The following ATP2B1 variants were observed in gnomAD, a reference collection of about 807,000 sequenced individuals.
The protein encoded by ATP2B1 is ATPase plasma membrane Ca2+ transporting 1, also known as plasma membrane calcium-transporting ATPase 1.
ATP2B1 carries 14 observed loss-of-function variants against 124.2 expected under a neutral mutation model. That is an observed-to-expected ratio of 0.11 (90% confidence interval 0.07 to 0.18). ATP2B1 has a LOEUF of 0.18. Ranked by LOEUF, ATP2B1 falls within the 10% of genes least tolerant of loss-of-function variation. ATP2B1 has a pLI of 1.00. For missense variants in ATP2B1, 763 were observed against 1,466.1 expected (o/e 0.52, Z 7.83); for synonymous variants, 449 against 492.4 (o/e 0.91, Z 1.17).
intron 12 of ATP2B1, among the ~76,000 whole-genome samples, chr12:89,614,485 G>C (rs941253170): frequency 6.6e-6 from 1 of 152,034 alleles, no homozygotes; most frequent in Admixed American, 6.6e-5. Flanking sequence ...CTCTCAACAG[G>C]CTGCTGTTTC....
chr12:89,657,998 A>T (rs1163527939), intron 1 of ATP2B1, among the ~76,000 whole-genome samples: 5 of 152,196 alleles, frequency 3.3e-5, no homozygotes, highest in African/African-American at 1.2e-4. Flanking sequence ...TCTCCCAGGC[A>T]AAGTGGGTTC....
At chr12:89,697,214 T>G (rs1175644973) in intron 1 of ATP2B1, among the ~76,000 whole-genome samples, 1 of 152,176 alleles carries the variant, frequency 6.6e-6, no homozygotes, top group Non-Finnish European at 1.5e-5. Flanking sequence ...GTGGGCTATA[T>G]GTAATTATTT....
intron 1 of ATP2B1, among the ~76,000 whole-genome samples, chr12:89,695,918 C>T (rs1891091170): frequency 6.6e-6 from 1 of 152,124 alleles, no homozygotes; most frequent in Non-Finnish European, 1.5e-5. Context: ...GAAACAGTAT[C>T]TGTGATAAAT....
At chr12:89,640,180 C>A (rs1883290529) in intron 3 of ATP2B1, among the ~76,000 whole-genome samples, 1 of 152,132 alleles carries the variant, frequency 6.6e-6, no homozygotes, top group African/African-American at 2.4e-5. Flanking sequence ...AATGGGATTT[C>A]CAGTGAATAT....
chr12:89,647,551 T>G (rs1884650049), intron 2 of ATP2B1, among the ~76,000 whole-genome samples: 1 of 152,226 alleles, frequency 6.6e-6, no homozygotes, highest in Non-Finnish European at 1.5e-5. Flanking sequence ...GATGTAGATT[T>G]AACCGACAAT....
chr12:89,695,673 T>C (rs1891064981), intron 1 of ATP2B1, among the ~76,000 whole-genome samples: 1 of 152,142 alleles, frequency 6.6e-6, no homozygotes, highest in South Asian at 2.1e-4. Flanking sequence ...ATTAATCTAT[T>C]AAGCAACATT....
chr12:89,661,573 G>A (rs557921203), intron 1 of ATP2B1, among the ~76,000 whole-genome samples: 3 of 152,318 alleles, frequency 2.0e-5, no homozygotes, highest in African/African-American at 7.2e-5. Flanking sequence ...CAATATCCAA[G>A]TTTTAAGGAG....
chr12:89,621,836 C>A, intron 9 of ATP2B1, 45 bp from the exon 10 acceptor site: 1 of 1,449,472 alleles, frequency 6.9e-7, no homozygotes. Flanking sequence ...GCATATAAAA[C>A]CAATCACCTC....
intron 11 of ATP2B1, 69 bp from the exon 12 acceptor site, chr12:89,617,108 C>T (rs747878964): frequency 1.4e-5 from 16 of 1,171,002 alleles, no homozygotes; most frequent in Non-Finnish European, 2.0e-5. Flanking sequence ...TTTAAGTGAA[C>T]TGGCAGGCCT....
In ATP2B1 at chr12:89,590,914, A is replaced by AT; in HGVS notation, c.*69dup. The AT allele has an allele frequency of 7.0e-7, 1 of 1,420,792 alleles. No individual in the cohort carries two copies. The allele number at this position is 1,420,792 out of a possible 1,614,324, so 88.0% of individuals were successfully genotyped here. A position where few individuals can be genotyped will look rare whatever the true frequency, so the allele number is the denominator to read the frequency against. On this transcript the variant is annotated 3_prime_UTR_variant, in exon 21 of 21. Transcript: ENST00000428670. ...CAAGAATACTAGCTTGTCCATCACAATATGTGAAAAGACCCAGTTTCAATT... is the reference window on the plus strand; with the variant it reads ...CAAGAATACTAGCTTGTCCATCACAATTATGTGAAAAGACCCAGTTTCAATT...
intron 18 of ATP2B1, among the ~76,000 whole-genome samples, chr12:89,601,792 T>C (rs1196199271): frequency 6.6e-6 from 1 of 152,206 alleles, no homozygotes. Context: ...TACATTCCCC[T>C]GTATTTAGTA....
intron 1 of ATP2B1, among the ~76,000 whole-genome samples, chr12:89,687,042 G>A (rs572648796): frequency 6.6e-6 from 1 of 152,148 alleles, no homozygotes; most frequent in East Asian, 1.9e-4. Context: ...AGCATTTACA[G>A]ACATGTTTTT....
intron 1 of ATP2B1, among the ~76,000 whole-genome samples, chr12:89,658,653 GAT>G (rs1184607996): frequency 6.0e-4 from 90 of 149,168 alleles, no homozygotes; most frequent in African/African-American, 2.0e-3. Context: ...GAGAGATAGA[GAT>G]AGCATGTGGC....
At chr12:89,690,549 T>C (rs987080477) in intron 1 of ATP2B1, among the ~76,000 whole-genome samples, 2 of 151,960 alleles carry the variant, frequency 1.3e-5, no homozygotes, top group African/African-American at 2.4e-5. Flanking sequence ...TGCTCATTCT[T>C]GTGAGTTGAA....
chr12:89,643,177 TA>T (rs981252396), intron 2 of ATP2B1, among the ~76,000 whole-genome samples: 1 of 150,536 alleles, frequency 6.6e-6, no homozygotes, highest in African/African-American at 2.4e-5. Context: ...TGTATATATG[TA>T]TATGTATGTA....
chr12:89,621,750 A>T lies in ATP2B1; in HGVS notation c.1386T>A (p.Ala462=), dbSNP rs890686375. Reference sequence around the variant, plus strand: ...CTGTAGCATTTCCCATGGTTTCACAAGCATCCAGATGCCTTACTAAGTTAT... The same window carrying T: ...CTGTAGCATTTCCCATGGTTTCACATGCATCCAGATGCCTTACTAAGTTAT... ...KDNNLVRHLD[A]CETMGNATAI... The change falls in exon 10 of 21, where the codon GCT becomes GCA. Residue 462 remains alanine, a synonymous_variant. Transcript: ENST00000428670. 1 of 1,604,566 alleles carries T rather than the reference A, an allele frequency of 6.2e-7. No homozygotes were observed. The highest frequency in any genetic ancestry group is 1.3e-5 in the African/African-American group (1 of 74,674).
At chr12:89,647,038 G>A (rs1207186313) in intron 2 of ATP2B1, among the ~76,000 whole-genome samples, 4 of 152,202 alleles carry the variant, frequency 2.6e-5, no homozygotes, top group Admixed American at 2.0e-4. Context: ...GAGGGAGAAA[G>A]TAAAGTATGA....
At chr12:89,621,979 A>G (rs899611462) in intron 9 of ATP2B1, among the ~76,000 whole-genome samples, 188 bp from the exon 10 acceptor site, 6 of 152,044 alleles carry the variant, frequency 3.9e-5, no homozygotes, top group Admixed American at 2.6e-4. Context: ...AAAATAAGCT[A>G]AACACAGTAC....
chr12:89,651,015 C>T (rs1017515474), intron 2 of ATP2B1, among the ~76,000 whole-genome samples: 5 of 152,280 alleles, frequency 3.3e-5, no homozygotes, highest in South Asian at 2.1e-4. Flanking sequence ...AAGACAGATG[C>T]TTTCTCTAAC....
Sources: allele counts gnomAD v4.1 joint callset (sites outside exome capture counted in the v4.1 genomes callset), GRCh38; gene constraint gnomAD v4.1.1; transcripts MANE v1.5; gene names NCBI Gene and HGNC (gene_info 2026-07-23, HGNC 2026-07-21).